TRPC1: variants seen among roughly 807,000 people sequenced by gnomAD.
TRPC1 encodes short transient receptor potential channel 1.
Under a neutral mutation model 88.2 loss-of-function variants are expected in TRPC1, and 42 were observed. That is an observed-to-expected ratio of 0.48 (90% CI 0.37 to 0.62). TRPC1 has a LOEUF of 0.62. TRPC1 is among the 20% of genes least tolerant of loss of function. TRPC1 has a pLI of 0.00. For synonymous variants in TRPC1, 288 were observed against 331.8 expected (o/e 0.87, Z 1.43); for missense variants, 699 against 957.3 (o/e 0.73, Z 3.56).
At chr3:142,788,737 T>C (rs1936208206) in intron 7 of TRPC1, among the ~76,000 whole-genome samples, 1 of 152,144 alleles carries the variant, frequency 6.6e-6, no homozygotes, top group South Asian at 2.1e-4. Context: ...TCTAATGTTA[T>C]TATTAACATT....
chr3:142,785,146 T>C (rs1255186087), intron 7 of TRPC1, 106 bp downstream of exon 7: 2 of 915,506 alleles, frequency 2.2e-6, no homozygotes, highest in Non-Finnish European at 3.2e-6. Context: ...TTTTACACTG[T>C]TCACACCACA....
intron 9 of TRPC1, among the ~76,000 whole-genome samples, chr3:142,794,434 T>C (rs1480994262): frequency 6.6e-6 from 1 of 152,020 alleles, no homozygotes; most frequent in Non-Finnish European, 1.5e-5. Flanking sequence ...TACCCTTCTA[T>C]CTAAAGCAAT....
At chr3:142,790,705 TATGCATCCATGTGC>T (rs1936268759) in intron 7 of TRPC1, among the ~76,000 whole-genome samples, 2 of 152,046 alleles carry the variant, frequency 1.3e-5, no homozygotes, top group South Asian at 2.1e-4. Context: ...TATCCCTGTG[TATGCATCCATGTGC>T]ATGCATCCGT....
chr3:142,780,530 G>A (rs1007050185), intron 5 of TRPC1, among the ~76,000 whole-genome samples: 4 of 152,096 alleles, frequency 2.6e-5, no homozygotes, highest in Non-Finnish European at 5.9e-5. Flanking sequence ...TGAGTTAAGC[G>A]AAGAACTGGT....
chr3:142,804,279 AAT>A, intron 11 of TRPC1, 101 bp downstream of exon 11: 1 of 1,210,852 alleles, frequency 8.3e-7, no homozygotes, highest in Non-Finnish European at 1.1e-6. Flanking sequence ...AGAATTGAAA[AAT>A]AGTATTTTTA....
intron 1 of TRPC1, among the ~76,000 whole-genome samples, chr3:142,728,737 A>C (rs1239061436): frequency 1.3e-5 from 2 of 152,252 alleles, no homozygotes; most frequent in African/African-American, 2.4e-5. Context: ...CATTTCTGAG[A>C]GAAGTAATAT....
At chr3:142,732,751 G>T (rs929448081) in intron 1 of TRPC1, among the ~76,000 whole-genome samples, 2 of 152,136 alleles carry the variant, frequency 1.3e-5, no homozygotes, top group African/African-American at 4.8e-5. Context: ...AGATTATGTT[G>T]CACTTCCTTC....
At chr3:142,785,720 C>T (rs1028966538) in intron 7 of TRPC1, among the ~76,000 whole-genome samples, 3 of 152,118 alleles carry the variant, frequency 2.0e-5, no homozygotes, top group African/African-American at 4.8e-5. Context: ...AGGCTGGTCT[C>T]GAACTCCTGA....
chr3:142,735,256 A>G (rs1934084804), intron 1 of TRPC1, among the ~76,000 whole-genome samples: 1 of 152,152 alleles, frequency 6.6e-6, no homozygotes, highest in African/African-American at 2.4e-5. Flanking sequence ...ATTTACTTGA[A>G]ATTTTAATAA....
At chr3:142,748,589 T>A in intron 4 of TRPC1, 129 bp downstream of exon 4, 1 of 867,992 alleles carries the variant, frequency 1.2e-6, no homozygotes, top group Non-Finnish European at 1.8e-6. Context: ...AAGCCAAACT[T>A]GTAGCTCCTT....
Position 142,777,670 on chromosome 3 carries a change from C to T in TRPC1, c.671C>T (p.Ala224Val), listed in dbSNP as rs1935828342. 2.5e-6 allele frequency: 4 copies of T among 1,612,178 alleles called. No individual in the cohort carries two copies. Among genetic ancestry groups the T allele is most frequent in the Non-Finnish European group, 3.4e-6 (4 of 1,178,882 alleles). Residue 224 changes from alanine to valine, a missense_variant, in exon 5 of 13, where the codon GCT becomes GTT. Ala to Val is a moderately conservative substitution (Grantham distance 64). This residue lies in a region of TRPC1 where 426 missense variants were observed against 641.3 expected (regional missense o/e 0.66). Coordinates refer to ENST00000476941, the MANE Select transcript of TRPC1 (RefSeq NM_001251845.2). ...ATATATCGATGTTTGGCCAGTCCAG[C>T]TCTAATAATGTTAACAGAGGAGGAT... ...LDIYRCLASP[A>V]LIMLTEEDPI...
At chr3:142,734,295 AAAT>A (rs2108016729) in intron 1 of TRPC1, among the ~76,000 whole-genome samples, 1 of 152,352 alleles carries the variant, frequency 6.6e-6, no homozygotes, top group Non-Finnish European at 1.5e-5. Context: ...AAACATAAGA[AAAT>A]AAGAGAGTTG....
intron 9 of TRPC1, 133 bp downstream of exon 9, chr3:142,793,100 G>C (rs2108144190): frequency 2.7e-6 from 2 of 731,714 alleles, no homozygotes; most frequent in East Asian, 6.5e-5. Context: ...GTAGCAATTA[G>C]AAGGACACAG....
At position 142,724,374 on chromosome 3, in the gene TRPC1, G is replaced by C; in HGVS notation, c.-186G>C. 1 of 465,664 alleles carries C rather than the reference G, an allele frequency of 2.1e-6. No homozygotes were observed. Among genetic ancestry groups the C allele is most frequent in the Non-Finnish European group, 3.6e-6 (1 of 277,018 alleles). The allele number at this position is 465,664 out of a possible 1,614,324, so 28.8% of individuals were successfully genotyped here. On this transcript the variant is annotated 5_prime_UTR_variant, in exon 1 of 13. Transcript: ENST00000476941. The surrounding 1 kb of genome is among the most constrained non-coding windows in gnomAD (Gnocchi z 5.6). ...CGCCGCCACCAACTTGGGGCTGTCA[G>C]TGGAGGGCGAGTGCTGGTTCTCAGG...
intron 3 of TRPC1, among the ~76,000 whole-genome samples, chr3:142,743,869 G>T (rs1039959051): frequency 4.6e-5 from 7 of 152,038 alleles, no homozygotes; most frequent in African/African-American, 1.7e-4. Flanking sequence ...AGATTAGTTT[G>T]CAGATAGATA....
chr3:142,761,674 A>G (rs764023944), intron 4 of TRPC1, among the ~76,000 whole-genome samples: 2 of 151,852 alleles, frequency 1.3e-5, no homozygotes, highest in Non-Finnish European at 1.5e-5. Flanking sequence ...AATGTTTGGT[A>G]GTATACAGCA....
At chr3:142,751,689 T>C (rs1232053560) in intron 4 of TRPC1, among the ~76,000 whole-genome samples, 2 of 152,210 alleles carry the variant, frequency 1.3e-5, no homozygotes, top group Non-Finnish European at 1.5e-5. Context: ...TATTTTTAGG[T>C]TAAGGATTGT....
At chr3:142,740,007 C>T (rs772193223) in intron 2 of TRPC1, among the ~76,000 whole-genome samples, 3 of 152,188 alleles carry the variant, frequency 2.0e-5, no homozygotes, top group African/African-American at 4.8e-5. Flanking sequence ...ATTAGATCCT[C>T]ATAGGAGTAC....
chr3:142,785,017 A>G lies in TRPC1; in HGVS notation c.1274A>G (p.Tyr425Cys), dbSNP rs370548462. ...GGGCCAGCCCTTGAAAGAATAGACT[A>G]TCTTCTTATTCTGTGGATTATTGGT... ...TMGPALERID[Y>C]LLILWIIGMI... Residue 425 changes from tyrosine (Y) to cysteine (C), a missense_variant, in exon 7 of 13, where the codon TAT becomes TGT. Coordinates refer to ENST00000476941, the MANE Select transcript of TRPC1 (RefSeq NM_001251845.2). The G allele has an allele frequency of 1.8e-5, 29 of 1,609,568 alleles. 1 individual carries two copies. The African/African-American group carries it at 1.9e-4, about 10-fold the overall frequency.
Sources: allele counts gnomAD v4.1 joint callset (sites outside exome capture counted in the v4.1 genomes callset), GRCh38; gene constraint gnomAD v4.1.1; regional missense constraint gnomAD v4.1.1; non-coding constraint Gnocchi (gnomAD v3.1); transcripts MANE v1.5; gene names NCBI Gene and HGNC (gene_info 2026-07-23, HGNC 2026-07-21).